Variants in GNPTG observed in about 807,000 individuals in gnomAD.
GNPTG encodes N-acetylglucosamine-1-phosphotransferase subunit gamma.
A neutral mutation model predicts 43.8 loss-of-function variants in GNPTG; 46 were observed. The observed-to-expected ratio is 1.05, with a 90% CI of 0.83 to 1.34. The LOEUF (loss-of-function observed/expected upper bound fraction) is 1.34. Ranked by LOEUF, GNPTG falls within the 40% of genes most tolerant of loss-of-function variation. The probability of loss-of-function intolerance (pLI) is 0.00; values close to 1 mark genes in which losing one functional copy is unlikely to be tolerated. For synonymous variants in GNPTG, 250 were observed against 172.8 expected (o/e 1.45, Z -3.50); for missense variants, 549 against 411.3 (o/e 1.33, Z -2.90).
At chr16:1,353,749 T>C (rs1388780429) in intron 3 of GNPTG, among the ~76,000 whole-genome samples, 1 of 152,038 alleles carries the variant, frequency 6.6e-6, no homozygotes, top group Non-Finnish European at 1.5e-5. Context: ...GGCCCCAAAC[T>C]CCCAGCGTCA....
chr16:1,353,223 C>A (rs1424119335), intron 3 of GNPTG, among the ~76,000 whole-genome samples: 1 of 152,186 alleles, frequency 6.6e-6, no homozygotes, highest in Non-Finnish European at 1.5e-5. Context: ...GTGATCCGCC[C>A]ATCTCGGCCT....
intron 3 of GNPTG, among the ~76,000 whole-genome samples, chr16:1,354,585 C>CAAAAAAAAAAAAAAAAAAAAAAAAAA (rs869067502): frequency 2.3e-5 from 1 of 44,370 alleles, no homozygotes; most frequent in Non-Finnish European, 4.0e-5. Flanking sequence ...GACTTCGTCT[C>CAAAAAAAAAAAAAAAAAAAAAAAAAA]AAAAAAAAAA....
chr16:1,362,162 G>A (rs2034902420), intron 6 of GNPTG, 31 bp downstream of exon 6: 2 of 1,612,884 alleles, frequency 1.2e-6, no homozygotes, highest in Admixed American at 1.7e-5. Flanking sequence ...CCGGGAAGAG[G>A]GGCCCCAGTC....
intron 3 of GNPTG, chr16:1,358,418 G>A (rs932797089): frequency 1.3e-5 from 2 of 151,998 alleles, no homozygotes; most frequent in Non-Finnish European, 2.9e-5. Context: ...GTGTCCCCAA[G>A]GTCCCCCAGG....
chr16:1,360,721 C>T (rs2034854492), intron 3 of GNPTG: 1 of 152,254 alleles, frequency 6.6e-6, no homozygotes, highest in Non-Finnish European at 1.5e-5. Flanking sequence ...AAACTGCCTT[C>T]CATGAAACCA....
chr16:1,352,020 G>C lies in GNPTG; in HGVS notation c.52+3G>C, dbSNP rs575933499. The C allele has an allele frequency of 1.4e-5, 20 of 1,476,498 alleles. No individual in the cohort carries two copies. The African/African-American group carries it at 2.2e-4, about 16-fold the overall frequency. The allele number at this position is 1,476,498 out of a possible 1,614,324, so 91.5% of individuals were successfully genotyped here. On this transcript the variant is annotated splice_donor_region_variant and intron_variant, in intron 1 of 10. Coordinates refer to ENST00000204679, the MANE Select transcript of GNPTG (RefSeq NM_032520.5). ...GCTCCTCGGGCTCTCGGCCGGCGGTGAGTGGCCCGGCCGTCCGCGTCCCCA... is the reference window on the plus strand; with the variant it reads ...GCTCCTCGGGCTCTCGGCCGGCGGTCAGTGGCCCGGCCGTCCGCGTCCCCA...
At position 1,363,487 on chromosome 16, in the gene GNPTG, C is replaced by T. The variant is rs770118467; in HGVS notation, c.*396C>T. On this transcript the variant is annotated 3_prime_UTR_variant, in exon 11 of 11. Transcript: ENST00000204679. ...GTCTGCTGACCACAGTTACACACGT[C>T]GTGACACCACTGTATCACGGCGAAT... 44 of 313,476 alleles carry T rather than the reference C, an allele frequency of 1.4e-4. No individual in the cohort carries two copies. Among genetic ancestry groups the T allele is most frequent in the Non-Finnish European group, 1.1e-4 (17 of 160,692 alleles). The allele number at this position is 313,476 out of a possible 1,614,324, so 19.4% of individuals were successfully genotyped here. A position where few individuals can be genotyped will look rare whatever the true frequency, so the allele number is the denominator to read the frequency against.
intron 3 of GNPTG, chr16:1,352,573 T>G: frequency 1.9e-6 from 1 of 523,444 alleles, no homozygotes; most frequent in South Asian, 2.2e-5. Flanking sequence ...TCTGTGCTTT[T>G]ACGTGCGTGT....
Position 1,361,902 on chromosome 16 carries a change from C to T in GNPTG, c.264C>T (p.Asn88=), listed in dbSNP as rs145313679. 1,162 of 1,613,840 alleles carry T rather than the reference C, an allele frequency of 7.2e-4. 2 individuals carry two copies. Among genetic ancestry groups the T allele is most frequent in the Non-Finnish European group, 9.3e-4 (1,096 of 1,180,038 alleles). ...AGTATGAGTTCTGCCCGTTCCACAA[C>T]GTGACCCAGCACGAGCAGACCTTCC... ...TYKYEFCPFH[N]VTQHEQTFRW... is the part of the protein sequence containing the mutation. Residue 88 remains asparagine (N), a synonymous_variant, in exon 5 of 11, where the codon AAC becomes AAT. Coordinates refer to ENST00000204679, the MANE Select transcript of GNPTG (RefSeq NM_032520.5).
Position 1,361,691 on chromosome 16 carries a change from G to A in GNPTG, c.179-52G>A, listed in dbSNP as rs1168801752. 4.4e-6 allele frequency: 7 copies of A among 1,589,330 alleles called. No homozygotes were observed. In the Admixed American group the frequency reaches 1.2e-4, roughly 27 times the overall value. ...TTGAAAACAGACTCTGCCAGTCTTTGCAGACAGGTTCTGTGCTTGGACCCT... is the reference window on the plus strand; with the variant it reads ...TTGAAAACAGACTCTGCCAGTCTTTACAGACAGGTTCTGTGCTTGGACCCT... On this transcript the variant is annotated intron_variant, in intron 3 of 10. Coordinates refer to ENST00000204679, the MANE Select transcript of GNPTG (RefSeq NM_032520.5).
At chr16:1,353,806 G>C (rs1464949224) in intron 3 of GNPTG, among the ~76,000 whole-genome samples, 1 of 152,110 alleles carries the variant, frequency 6.6e-6, no homozygotes, top group Non-Finnish European at 1.5e-5. Flanking sequence ...AGGGTGCTGA[G>C]GAAAAGTCTA....
Position 1,363,448 on chromosome 16 carries a change from C to CTA in GNPTG, c.*357_*358insTA. The CTA allele has an allele frequency of 2.9e-6, 1 of 345,762 alleles. No homozygotes were observed. The highest frequency in any genetic ancestry group is 5.6e-6 in the Non-Finnish European group (1 of 177,874). 21.4% of individuals were successfully genotyped at this position (345,762 alleles called of 1,614,324 possible). A position where few individuals can be genotyped will look rare whatever the true frequency, so the allele number is the denominator to read the frequency against. ...CCAGAAATTAATCCACTTGAGGCGT[C>CTA]CACGCGGAACAAGGTCTGCTGACCA... On this transcript the variant is annotated 3_prime_UTR_variant, in exon 11 of 11. Coordinates refer to ENST00000204679, the MANE Select transcript of GNPTG (RefSeq NM_032520.5).
At chr16:1,355,021 C>G (rs988859587) in intron 3 of GNPTG, among the ~76,000 whole-genome samples, 1 of 151,202 alleles carries the variant, frequency 6.6e-6, no homozygotes, top group African/African-American at 2.4e-5. Flanking sequence ...GGGCGTGGAT[C>G]GTCTCCCGCA....
At position 1,361,881 on chromosome 16, in the gene GNPTG, T is replaced by C. The variant is rs748941730; in HGVS notation, c.243T>C (p.Tyr81=). ...CCATCTGTGTCCCCAGGTACAAGTATGAGTTCTGCCCGTTCCACAACGTGA... is the reference window on the plus strand; with the variant it reads ...CCATCTGTGTCCCCAGGTACAAGTACGAGTTCTGCCCGTTCCACAACGTGA... The part of the protein sequence containing the change: ...CFSLVESTYK[Y]EFCPFHNVTQ... The change falls in exon 5 of 11, where the codon TAT becomes TAC. Residue 81 remains tyrosine, a synonymous_variant. Transcript: ENST00000204679. 1.9e-6 allele frequency: 3 copies of C among 1,613,660 alleles called. No individual in the cohort carries two copies. The highest frequency in any genetic ancestry group is 1.7e-6 in the Non-Finnish European group (2 of 1,179,812).
Position 1,362,814 on chromosome 16 carries a change from G to C in GNPTG, c.742-11G>C. ...CTGGGCTTTCCCTTGAACTCTTTTT[G>C]TGGTTGGTAGGCTCATAAAGAACTC... On this transcript the variant is annotated splice_polypyrimidine_tract_variant and intron_variant, in intron 9 of 10. Transcript: ENST00000204679. 1 of 1,614,038 alleles carries C rather than the reference G, an allele frequency of 6.2e-7. No homozygotes were observed. The highest frequency in any genetic ancestry group is 8.5e-7 in the Non-Finnish European group (1 of 1,180,016).
In GNPTG at chr16:1,356,336, C is replaced by T. The variant is rs1038136787; in HGVS notation, c.178+4030C>T. On this transcript the variant is annotated intron_variant, in intron 3 of 10. Coordinates refer to ENST00000204679, the MANE Select transcript of GNPTG (RefSeq NM_032520.5). Reference sequence around the variant, plus strand: ...AGGGGACGTGCGGGTGAAGCAGGAGCAGAGGAGAAGCCTCCCGGCAGGGGT... The same window carrying T: ...AGGGGACGTGCGGGTGAAGCAGGAGTAGAGGAGAAGCCTCCCGGCAGGGGT... 6.6e-5 allele frequency among the ~76,000 whole-genome samples: 10 copies of T among 152,102 alleles called. No individual in the cohort carries two copies. In the South Asian group the frequency reaches 1.4e-3, roughly 22 times the overall value.
chr16:1,354,585 C>CAAAAAAAAAA (rs869067502), intron 3 of GNPTG, among the ~76,000 whole-genome samples: 25 of 44,368 alleles, frequency 5.6e-4, no homozygotes, highest in East Asian at 3.2e-3. Flanking sequence ...GACTTCGTCT[C>CAAAAAAAAAA]AAAAAAAAAA....
Position 1,362,675 on chromosome 16 carries a change from ATG to A in GNPTG, c.675_676del (p.Asn225LysfsTer10). On this transcript the variant is annotated frameshift_variant, in exon 9 of 11. Transcript: ENST00000204679. LOFTEE classifies it high-confidence loss of function. ...GGCTACTTAAAGACCCCAGAAGAAA[ATG>A]AACCCACCCAGCTGGAGGGAGGTCC... 6.2e-7 allele frequency: 1 copy of A among 1,614,092 alleles called. No homozygotes were observed. The highest frequency in any genetic ancestry group is 8.5e-7 in the Non-Finnish European group (1 of 1,180,022).
Position 1,361,966 on chromosome 16 carries a change from C to G in GNPTG, c.317+11C>G. ...CAGTGGGATCCTCGGGTGAGTGGGGCCGGGGCAGGGATCCCAAAGCAGCAG... is the reference window on the plus strand; with the variant it reads ...CAGTGGGATCCTCGGGTGAGTGGGGGCGGGGCAGGGATCCCAAAGCAGCAG... On this transcript the variant is annotated intron_variant, in intron 5 of 10. Transcript: ENST00000204679. 6.2e-7 allele frequency: 1 copy of G among 1,613,410 alleles called. No homozygotes were observed. Among genetic ancestry groups the G allele is most frequent in the Non-Finnish European group, 8.5e-7 (1 of 1,180,022 alleles).
Sources: gnomAD v4.1 joint callset for allele counts (sites outside exome capture counted in the v4.1 genomes callset) on GRCh38, gnomAD v4.1.1 for gene constraint, MANE v1.5 for transcripts, NCBI Gene and HGNC (gene_info 2026-07-23, HGNC 2026-07-21) for gene names.